The following PUM3 variants were observed in gnomAD, a reference collection of about 807,000 sequenced individuals.
The protein encoded by PUM3 is pumilio homolog 3.
Under a neutral mutation model 84.0 loss-of-function variants are expected in PUM3, and 91 were observed. The ratio of observed to expected loss-of-function variants is 1.08; its 90% CI spans 0.91 to 1.29. PUM3 has a LOEUF of 1.29. Ranked by LOEUF, PUM3 falls within the 50% of genes most tolerant of loss-of-function variation. PUM3 has a pLI of 0.00. For missense variants in PUM3, 1,067 were observed against 767.5 expected (o/e 1.39, Z -4.61); for synonymous variants, 321 against 266.7 (o/e 1.20, Z -1.98).
rs180748577 is a variant in PUM3, at chr9:2,829,183, T to C, written c.853-405A>G. On this transcript the variant is annotated intron_variant, in intron 8 of 17. Coordinates refer to ENST00000397885, the MANE Select transcript of PUM3 (RefSeq NM_014878.5). ...CAACCCAAGAATTGAACCTGGCTAA[T>C]GGAGGCAACCCGGGAATCAATCCAT... 4.5e-4 allele frequency among the ~76,000 whole-genome samples: 68 copies of C among 152,360 alleles called. No homozygotes were observed. In the East Asian group the frequency reaches 9.6e-3, roughly 22 times the overall value.
chr9:2,827,775 T>A (rs1202364335), intron 9 of PUM3, among the ~76,000 whole-genome samples: 3 of 152,202 alleles, frequency 2.0e-5, no homozygotes, highest in Non-Finnish European at 2.9e-5. Context: ...CTGTTCTGAG[T>A]GTTTTGGAAC....
Position 2,827,090 on chromosome 9 carries a change from G to T in PUM3, c.1018C>A (p.Pro340Thr), listed in dbSNP as rs1163890073. The T allele has an allele frequency of 6.2e-6, 10 of 1,608,950 alleles. No individual in the cohort carries two copies. Among genetic ancestry groups the T allele is most frequent in the African/African-American group, 1.3e-5 (1 of 74,620 alleles). Residue 340 changes from proline to threonine, a missense_variant, in exon 10 of 18, where the codon CCC becomes ACC. Pro to Thr is a conservative substitution (Grantham distance 38). Transcript: ENST00000397885. Reference sequence around the variant, plus strand: ...GAACTTACTGATCTGAGTTTGGGGGGTGCATAGGTAAAAAAGTCCAAGAAT... The same window carrying T: ...GAACTTACTGATCTGAGTTTGGGGGTTGCATAGGTAAAAAAGTCCAAGAAT... ...KVFLDFFTYA[P>T]PKLRSEMIEA... is the part of the protein sequence containing the mutation.
Position 2,811,595 on chromosome 9 carries a change from G to A in PUM3, c.1413-12C>T, listed in dbSNP as rs1398218144. On this transcript the variant is annotated splice_polypyrimidine_tract_variant and intron_variant, in intron 14 of 17. Transcript: ENST00000397885. ...CTGTATCTTTCTTACTGTTGAGTAT[G>A]TTGAACGGGGTATTAAGGTAAGATA... 2 of 1,592,132 alleles carry A rather than the reference G, an allele frequency of 1.3e-6. No individual in the cohort carries two copies. Among genetic ancestry groups the A allele is most frequent in the East Asian group, 2.2e-5 (1 of 44,776 alleles).
intron 10 of PUM3, among the ~76,000 whole-genome samples, chr9:2,826,478 C>A (rs1274541110): frequency 1.3e-5 from 2 of 152,124 alleles, no homozygotes; most frequent in East Asian, 1.9e-4. Flanking sequence ...TTAAGTCAGT[C>A]TCATTATTTT....
At chr9:2,843,625 C>T (rs1036501674) in intron 1 of PUM3, among the ~76,000 whole-genome samples, 1 of 135,550 alleles carries the variant, frequency 7.4e-6, no homozygotes, top group African/African-American at 2.9e-5. Flanking sequence ...GTCTCCCAGG[C>T]TGGAGTGTAG....
At chr9:2,843,846 G>A (rs1483135638) in intron 1 of PUM3, among the ~76,000 whole-genome samples, 199 bp downstream of exon 1, 1 of 151,932 alleles carries the variant, frequency 6.6e-6, no homozygotes, top group Non-Finnish European at 1.5e-5. Context: ...CCAAAGTGCT[G>A]GGATTACAGG....
chr9:2,813,865 G>A (rs1480147396), intron 13 of PUM3, among the ~76,000 whole-genome samples: 2 of 152,110 alleles, frequency 1.3e-5, no homozygotes, highest in Non-Finnish European at 2.9e-5. Context: ...CACTCGTTAA[G>A]TGCTTACTAG....
intron 17 of PUM3, 35 bp from the exon 18 acceptor site, chr9:2,804,498 T>C: frequency 6.3e-7 from 1 of 1,596,694 alleles, no homozygotes; most frequent in Non-Finnish European, 8.5e-7. Context: ...TTCATAAGCA[T>C]TCCTAGATCA....
intron 10 of PUM3, 25 bp from the exon 11 acceptor site, chr9:2,824,840 C>A: frequency 2.1e-6 from 3 of 1,441,232 alleles, no homozygotes; most frequent in Non-Finnish European, 2.8e-6. Context: ...CTGTCAGGAA[C>A]AGGGCTCTGC....
At chr9:2,833,273 C>A in intron 5 of PUM3, 84 bp downstream of exon 5, 1 of 621,798 alleles carries the variant, frequency 1.6e-6, no homozygotes, top group Non-Finnish European at 2.8e-6. Flanking sequence ...ATGATAAGAT[C>A]ATCTGTCATG....
intron 1 of PUM3, among the ~76,000 whole-genome samples, chr9:2,842,464 C>A (rs1202092486): frequency 6.6e-6 from 1 of 152,188 alleles, no homozygotes; most frequent in Non-Finnish European, 1.5e-5. Context: ...ACACAGGAGC[C>A]ACTATTCTTA....
chr9:2,805,985 AT>A (rs1217085863), intron 17 of PUM3, among the ~76,000 whole-genome samples: 7 of 152,182 alleles, frequency 4.6e-5, no homozygotes, highest in African/African-American at 1.4e-4. Flanking sequence ...TACAAAAACA[AT>A]TTTTTTGTAT....
At chr9:2,832,987 T>C (rs918108334) in intron 5 of PUM3, among the ~76,000 whole-genome samples, 3 of 152,246 alleles carry the variant, frequency 2.0e-5, no homozygotes, top group Admixed American at 1.3e-4. Context: ...TGAAGTAATA[T>C]GTTCACATCA....
chr9:2,828,113 C>G (rs1394602626), intron 9 of PUM3, among the ~76,000 whole-genome samples: 2 of 152,164 alleles, frequency 1.3e-5, no homozygotes, highest in Non-Finnish European at 2.9e-5. Flanking sequence ...AACCATGGCT[C>G]ACTGCAGCCA....
chr9:2,833,577 T>C (rs1816042166), intron 4 of PUM3, 145 bp from the exon 5 acceptor site: 1 of 506,980 alleles, frequency 2.0e-6, no homozygotes, highest in Non-Finnish European at 3.4e-6. Flanking sequence ...TTAAAATTAC[T>C]ATTCCAGAGC....
intron 15 of PUM3, among the ~76,000 whole-genome samples, chr9:2,810,823 C>A (rs371538729): frequency 2.0e-5 from 3 of 152,180 alleles, no homozygotes; most frequent in African/African-American, 7.2e-5. Flanking sequence ...CCCAATGCTG[C>A]ATGCTGTTTA....
rs374695460 is a variant in PUM3, at chr9:2,823,940, T to C, written c.1135-106A>G. The stretch of plus-strand genomic sequence containing the variant: ...TTATTAAGTTTTCATTTGAGTGGCA[T>C]ATGTTTTCATTAGTAAAAATAATAG... On this transcript the variant is annotated intron_variant, in intron 11 of 17. Transcript: ENST00000397885. 2.6e-4 allele frequency: 145 copies of C among 567,368 alleles called. No individual in the cohort carries two copies. The South Asian group carries it at 3.9e-3, about 15-fold the overall frequency. The allele number at this position is 567,368 out of a possible 1,614,324, so 35.1% of individuals were successfully genotyped here.
chr9:2,822,342 A>G (rs1815667715), intron 12 of PUM3, among the ~76,000 whole-genome samples: 1 of 152,118 alleles, frequency 6.6e-6, no homozygotes, highest in Admixed American at 6.5e-5. Context: ...TTAGGCCATA[A>G]AACAGGTCTC....
chr9:2,825,826 C>A (rs1228574200), intron 10 of PUM3, among the ~76,000 whole-genome samples: 1 of 152,122 alleles, frequency 6.6e-6, no homozygotes, highest in African/African-American at 2.4e-5. Context: ...TGAGTTCTGG[C>A]AACTAACAAG....
Sources: gnomAD v4.1 joint callset for allele counts (sites outside exome capture counted in the v4.1 genomes callset) on GRCh38, gnomAD v4.1.1 for gene constraint, MANE v1.5 for transcripts, NCBI Gene and HGNC (gene_info 2026-07-23, HGNC 2026-07-21) for gene names.